CIRSR: variants seen among roughly 807,000 people sequenced by gnomAD.
The protein encoded by CIRSR is corepressor of RBPJ and splicing regulator, also known as CBF1 (RBPJ) interacting corepressor 1.
At chr2:174,376,706 G>A in the CIRSR span, among the ~76,000 whole-genome samples, 322 of 151,234 alleles carry the variant, frequency 2.1e-3, 1 homozygote, top group African/African-American at 7.6e-3. Context: ...GCTGAGGCAG[G>A]AGAACGGCAT....
the CIRSR span, among the ~76,000 whole-genome samples, chr2:174,362,601 T>TGAACCCGGGAGGGAGGTGGAACTTGCA: frequency 1.5e-5 from 2 of 136,982 alleles, no homozygotes; most frequent in Non-Finnish European, 3.0e-5. Context: ...GAGAATGGCA[T>TGAACCCGGGAGGGAGGTGGAACTTGCA]GAACCCGGGA....
chr2:174,362,607 C>T, the CIRSR span, among the ~76,000 whole-genome samples: 30 of 135,906 alleles, frequency 2.2e-4, no homozygotes, highest in Non-Finnish European at 3.8e-4. Context: ...GGCATGAACC[C>T]GGGAGGGAGG....
At chr2:174,366,413 A>G in the CIRSR span, among the ~76,000 whole-genome samples, 8 of 152,132 alleles carry the variant, frequency 5.3e-5, no homozygotes, top group Non-Finnish European at 4.4e-5. Context: ...TCACACTGTG[A>G]AAAAATCAAA....
the CIRSR span, among the ~76,000 whole-genome samples, chr2:174,371,567 A>C: frequency 6.6e-6 from 1 of 152,228 alleles, no homozygotes; most frequent in Non-Finnish European, 1.5e-5. Context: ...TAAAGTTAAG[A>C]TGATCTTATC....
the CIRSR span, chr2:174,395,439 G>C: frequency 9.4e-7 from 1 of 1,064,776 alleles, no homozygotes; most frequent in Non-Finnish European, 1.4e-6. Flanking sequence ...TTTAGGCCTA[G>C]AGAAGCGGAG....
At chr2:174,377,838 A>AAAAAC in the CIRSR span, among the ~76,000 whole-genome samples, 1 of 151,468 alleles carries the variant, frequency 6.6e-6, no homozygotes, top group South Asian at 2.1e-4. Flanking sequence ...AAAAAAAAAA[A>AAAAAC]AAAAAAAAAC....
the CIRSR span, among the ~76,000 whole-genome samples, chr2:174,350,403 T>C: frequency 6.6e-6 from 1 of 152,206 alleles, no homozygotes; most frequent in African/African-American, 2.4e-5. Context: ...GTAAAAGCTA[T>C]AAATAAGTCT....
the CIRSR span, among the ~76,000 whole-genome samples, chr2:174,352,375 T>A: frequency 6.6e-6 from 1 of 152,240 alleles, no homozygotes; most frequent in Non-Finnish European, 1.5e-5. Flanking sequence ...TATATTTTTT[T>A]ACACTACACT....
At chr2:174,395,217 G>A in the CIRSR span, among the ~76,000 whole-genome samples, 1 of 152,206 alleles carries the variant, frequency 6.6e-6, no homozygotes, top group African/African-American at 2.4e-5. Flanking sequence ...GAGTTCAGAA[G>A]CCGTGATCCC....
At chr2:174,368,899 G>A in the CIRSR span, among the ~76,000 whole-genome samples, 3 of 152,176 alleles carry the variant, frequency 2.0e-5, no homozygotes, top group Non-Finnish European at 4.4e-5. Flanking sequence ...TCCATTTACA[G>A]AGCACATGCA....
the CIRSR span, among the ~76,000 whole-genome samples, chr2:174,365,361 C>T: frequency 6.6e-6 from 1 of 152,172 alleles, no homozygotes; most frequent in African/African-American, 2.4e-5. Context: ...CCTACATTTT[C>T]CTGTCCTCTT....
the CIRSR span, chr2:174,349,099 T>C: frequency 6.5e-7 from 1 of 1,533,286 alleles, no homozygotes; most frequent in Non-Finnish European, 8.7e-7. Context: ...TTTTTGTGTT[T>C]ACTTCTGCTC....
At chr2:174,381,660 A>T in the CIRSR span, 1 of 1,378,124 alleles carries the variant, frequency 7.3e-7, no homozygotes, top group Non-Finnish European at 9.9e-7. Context: ...GTGCCTCAGA[A>T]AAAAAAAAAA....
the CIRSR span, chr2:174,349,272 A>G: frequency 1.0e-5 from 8 of 782,980 alleles, no homozygotes; most frequent in South Asian, 1.4e-4. Context: ...AAGTTATTAA[A>G]AATAGTATCC....
the CIRSR span, among the ~76,000 whole-genome samples, chr2:174,365,343 CA>C: frequency 1.3e-5 from 2 of 152,188 alleles, no homozygotes; most frequent in African/African-American, 4.8e-5. Flanking sequence ...TAGGAAGTTC[CA>C]AACTTTCCTA....
the CIRSR span, among the ~76,000 whole-genome samples, chr2:174,388,332 G>C: frequency 6.6e-6 from 1 of 152,152 alleles, no homozygotes; most frequent in Non-Finnish European, 1.5e-5. Flanking sequence ...CGGAGTAGCT[G>C]GGATTACAGG....
the CIRSR span, chr2:174,387,419 T>C: frequency 3.4e-6 from 1 of 291,484 alleles, no homozygotes; most frequent in South Asian, 5.0e-5. Flanking sequence ...TAGACATGAT[T>C]GTTCTTCTAA....
At chr2:174,371,663 T>C in the CIRSR span, among the ~76,000 whole-genome samples, 1 of 152,256 alleles carries the variant, frequency 6.6e-6, no homozygotes, top group Admixed American at 6.5e-5. Flanking sequence ...GTAAATCTTA[T>C]GCTGGTCTCT....
At chr2:174,371,931 T>C in the CIRSR span, among the ~76,000 whole-genome samples, 2 of 152,238 alleles carry the variant, frequency 1.3e-5, no homozygotes, top group Non-Finnish European at 2.9e-5. Flanking sequence ...TGAGACATTA[T>C]TCAATAGGTG....
Sources: gnomAD v4.1 joint callset for allele counts (sites outside exome capture counted in the v4.1 genomes callset) on GRCh38, gnomAD v4.1.1 for gene constraint, MANE v1.5 for transcripts, NCBI Gene and HGNC (gene_info 2026-07-23, HGNC 2026-07-21) for gene names.